RPL26L1: variants seen among roughly 807,000 people sequenced by gnomAD.
RPL26L1 encodes the protein ribosomal protein L26 like 1.
In RPL26L1, 8 loss-of-function variants were observed where a neutral mutation model predicts 15.2. The ratio of observed to expected loss-of-function variants is 0.53; its 90% confidence interval spans 0.31 to 0.95. The LOEUF (loss-of-function observed/expected upper bound fraction) is 0.95. RPL26L1 is among the 40% of genes least tolerant of loss of function. The probability of loss-of-function intolerance (pLI) is 0.05; values close to 1 mark genes in which losing one functional copy is unlikely to be tolerated. For synonymous variants in RPL26L1, 51 were observed against 65.9 expected (o/e 0.77, Z 1.09); for missense variants, 146 against 190.9 (o/e 0.76, Z 1.39).
At chr5:172,962,043 C>G (rs1044593424) in intron 2 of RPL26L1, among the ~76,000 whole-genome samples, 2 of 152,202 alleles carry the variant, frequency 1.3e-5, no homozygotes, top group Non-Finnish European at 2.9e-5. Context: ...TTATCTTTAA[C>G]AACGCTCCTT....
At chr5:172,956,085 A>C (rs1015729998), upstream of RPL26L1, 5 of 152,226 alleles carry the variant, frequency 3.3e-5, no homozygotes, top group African/African-American at 1.2e-4. Flanking sequence ...CAATTTTTTA[A>C]ATCTTCAAAA....
chr5:172,959,732 C>T, intron 1 of RPL26L1, 133 bp from the exon 2 acceptor site: 1 of 1,160,956 alleles, frequency 8.6e-7, no homozygotes, highest in Non-Finnish European at 1.2e-6. Flanking sequence ...TCTCTGTCCT[C>T]CCTCAGTTGC....
chr5:172,963,044 T>G (rs1048641705), intron 2 of RPL26L1, among the ~76,000 whole-genome samples: 1 of 152,042 alleles, frequency 6.6e-6, no homozygotes, highest in African/African-American at 2.4e-5. Flanking sequence ...AATGAGGAGT[T>G]AGCCAGGTGC....
At chr5:172,958,553 A>C, upstream of RPL26L1, 1 of 387,870 alleles carries the variant, frequency 2.6e-6, no homozygotes, top group South Asian at 1.8e-5. Flanking sequence ...GTCGAGACCC[A>C]GAGCCCTTTT....
At chr5:172,954,901 A>G (rs1393772118), upstream of RPL26L1, 1 of 456,058 alleles carries the variant, frequency 2.2e-6, no homozygotes, top group African/African-American at 2.0e-5. Flanking sequence ...ATTACAGAGC[A>G]AAACCCTCCA....
intron 3 of RPL26L1, among the ~76,000 whole-genome samples, chr5:172,969,198 A>G (rs926554827): frequency 3.3e-5 from 5 of 152,084 alleles, no homozygotes; most frequent in Non-Finnish European, 7.4e-5. Flanking sequence ...ATAAGAGAGA[A>G]TATATCTTCC....
At chr5:172,959,396 T>C (rs532966744), upstream of RPL26L1, 175 of 1,006,436 alleles carry the variant, frequency 1.7e-4, no homozygotes, top group African/African-American at 2.9e-3. Flanking sequence ...CTTCGATGTC[T>C]TTCTGCGCTT....
chr5:172,965,781 C>T (rs1755428676), intron 2 of RPL26L1, among the ~76,000 whole-genome samples: 1 of 152,186 alleles, frequency 6.6e-6, no homozygotes, highest in South Asian at 2.1e-4. Context: ...CCTTGAGCAA[C>T]ATGAAGCTCC....
upstream of RPL26L1, chr5:172,954,969 A>G: frequency 2.4e-6 from 1 of 420,776 alleles, no homozygotes; most frequent in Non-Finnish European, 4.6e-6. Flanking sequence ...CTTCCCTGGG[A>G]AGTTGCGGAA....
chr5:172,958,215 G>A, upstream of RPL26L1: 1 of 371,076 alleles, frequency 2.7e-6, no homozygotes, highest in Non-Finnish European at 5.3e-6. Flanking sequence ...GGTGAGCCGA[G>A]ATGGTGCCAC....
chr5:172,958,052 G>A, upstream of RPL26L1: 1 of 251,166 alleles, frequency 4.0e-6, no homozygotes, highest in Non-Finnish European at 8.2e-6. Context: ...ATCACCTGAG[G>A]TCGGGAGTTC....
chr5:172,958,645 C>T (rs1365144210), upstream of RPL26L1: 2 of 289,940 alleles, frequency 6.9e-6, no homozygotes, highest in African/African-American at 4.3e-5. Flanking sequence ...ACCCGGGGAC[C>T]TTTTACACCC....
At position 172,964,281 on chromosome 5, in the gene RPL26L1, C is replaced by CCTTTTTTTTTTTTTTTTTTTTTT. The variant is rs1402885653; in HGVS notation, c.169-4178_169-4177insCTTTTTTTTTTTTTTTTTTTTTT. 5.7e-4 allele frequency among the ~76,000 whole-genome samples: 57 copies of CCTTTTTTTTTTTTTTTTTTTTTT among 99,236 alleles called. 12 individuals carry two copies. The highest frequency in any genetic ancestry group is 1.0e-3 in the African/African-American group (28 of 27,688). The allele number at this position is 99,236 out of a possible 152,430, so 65.1% of individuals were successfully genotyped here. ...TGAGCCACAGTGTCTGGCCTGTTGC[C>CCTTTTTTTTTTTTTTTTTTTTTT]TTTTTTTTTTTTTTTTTTTTTGAGA... On this transcript the variant is annotated intron_variant, in intron 2 of 3. Coordinates refer to ENST00000265100, the MANE Select transcript of RPL26L1 (RefSeq NM_016093.4).
Position 172,962,733 on chromosome 5 carries a change from G to A in RPL26L1, c.168+2692G>A, listed in dbSNP as rs148745017. Among the ~76,000 whole-genome samples the A allele has an allele frequency of 4.3e-3, 592 of 139,194 alleles. 23 individuals are homozygous for A. The East Asian group carries it at 0.1, about 24-fold the overall frequency. 91.3% of individuals were successfully genotyped at this position (139,194 alleles called of 152,430 possible). On this transcript the variant is annotated intron_variant, in intron 2 of 3. Coordinates refer to ENST00000265100, the MANE Select transcript of RPL26L1 (RefSeq NM_016093.4). ...TGGGAGGCTGAGGCAGGAGAATGGCGTGAACCCGGGAGGGGGAGCTTCCAA... is the reference window on the plus strand; with the variant it reads ...TGGGAGGCTGAGGCAGGAGAATGGCATGAACCCGGGAGGGGGAGCTTCCAA...
chr5:172,960,645 C>T (rs1755198980), intron 2 of RPL26L1, among the ~76,000 whole-genome samples: 1 of 152,042 alleles, frequency 6.6e-6, no homozygotes, highest in Admixed American at 6.6e-5. Context: ...TTCATAATTT[C>T]TAAAAGACTG....
At chr5:172,955,554 T>C (rs536369549), upstream of RPL26L1, 1 of 154,790 alleles carries the variant, frequency 6.5e-6, no homozygotes, top group South Asian at 2.0e-4. Context: ...GAAGGTTCAT[T>C]AGCTGCTGCG....
rs895859720 is a variant in RPL26L1 at position 172,969,349 on chromosome 5, G to C, written c.310-64G>C. On this transcript the variant is annotated intron_variant, in intron 3 of 3. Transcript: ENST00000265100. Reference sequence around the variant, plus strand: ...GCTGAGGTCTTACTTAACTTATGATGTCTATATTGCTCAATAGCTGGTGGG... The same window carrying C: ...GCTGAGGTCTTACTTAACTTATGATCTCTATATTGCTCAATAGCTGGTGGG... The C allele has an allele frequency of 2.6e-6, 4 of 1,550,606 alleles. No individual in the cohort carries two copies. The African/African-American group carries it at 5.5e-5, about 21-fold the overall frequency.
At chr5:172,964,851 TC>T (rs1755389164) in intron 2 of RPL26L1, among the ~76,000 whole-genome samples, 1 of 152,206 alleles carries the variant, frequency 6.6e-6, no homozygotes, top group Non-Finnish European at 1.5e-5. Context: ...TACCTGTAGT[TC>T]CACCCCTCTT....
chr5:172,961,438 T>C (rs1050110140), intron 2 of RPL26L1, among the ~76,000 whole-genome samples: 7 of 152,174 alleles, frequency 4.6e-5, no homozygotes, highest in African/African-American at 1.4e-4. Flanking sequence ...TGCAGGCCCA[T>C]TGTTAGATTC....
Sources: gnomAD v4.1 joint callset for allele counts (sites outside exome capture counted in the v4.1 genomes callset) on GRCh38, gnomAD v4.1.1 for gene constraint, MANE v1.5 for transcripts, NCBI Gene and HGNC (gene_info 2026-07-23, HGNC 2026-07-21) for gene names.